PDZRN3: variants seen among roughly 807,000 people sequenced by gnomAD.
The protein encoded by PDZRN3 is PDZ domain containing ring finger 3.
Under a neutral mutation model 85.7 loss-of-function variants are expected in PDZRN3, and 38 were observed. The ratio of observed to expected loss-of-function variants is 0.44; its 90% CI spans 0.34 to 0.58. The LOEUF (loss-of-function observed/expected upper bound fraction) is 0.58. PDZRN3 is among the 20% of genes least tolerant of loss of function. PDZRN3 has a pLI of 0.01. For missense variants in PDZRN3, 1,629 were observed against 1,506.4 expected, an observed-to-expected ratio of 1.08 and a Z score of -1.35; for synonymous variants, 759 against 638.0, an observed-to-expected ratio of 1.19 and a Z score of -2.86.
At chr3:73,602,483 ATGCATG>A in intron 2 of PDZRN3, 22 bp from the exon 3 acceptor site, 2 of 1,105,678 alleles carry the variant, frequency 1.8e-6, no homozygotes, top group Non-Finnish European at 2.8e-6. Context: ...AAAAAAAAAC[ATGCATG>A]AATGCTAGGC....
intron 3 of PDZRN3, among the ~76,000 whole-genome samples, chr3:73,584,959 AC>A (rs1411266385): frequency 2.0e-5 from 3 of 152,174 alleles, no homozygotes; most frequent in Non-Finnish European, 4.4e-5. Context: ...CTTCTCCTTT[AC>A]TCCTTTAGAA....
At chr3:73,552,690 C>G (rs1701591397) in intron 3 of PDZRN3, among the ~76,000 whole-genome samples, 1 of 152,196 alleles carries the variant, frequency 6.6e-6, no homozygotes, top group South Asian at 2.1e-4. Context: ...TGGACCTATC[C>G]AGATGTATGT....
rs528559026 is a variant in PDZRN3 at position 73,497,478 on chromosome 3, C to T, written c.919-93083G>A. On this transcript the variant is annotated intron_variant, in intron 3 of 9. Coordinates refer to ENST00000263666, the MANE Select transcript of PDZRN3 (RefSeq NM_015009.3). ...AGCTACTATTATAAAGCAAATGATT[C>T]ATTATCACTGCTGATATTAGAGGTG... 1.7e-4 allele frequency among the ~76,000 whole-genome samples: 26 copies of T among 152,256 alleles called. No homozygotes were observed. In the East Asian group the frequency reaches 2.3e-3, roughly 14 times the overall value.
chr3:73,464,152 T>C (rs1314203659), intron 3 of PDZRN3, among the ~76,000 whole-genome samples: 6 of 151,888 alleles, frequency 4.0e-5, no homozygotes, highest in Non-Finnish European at 8.8e-5. Context: ...CACCCAGCTA[T>C]TTTTTTGTAT....
chr3:73,425,388 C>T (rs575678201), intron 3 of PDZRN3, among the ~76,000 whole-genome samples: 18 of 152,118 alleles, frequency 1.2e-4, no homozygotes, highest in African/African-American at 2.9e-4. Flanking sequence ...ATTCCCAGGC[C>T]GGAAGCATCC....
chr3:73,603,344 A>G lies in PDZRN3; in HGVS notation c.811-883T>C, dbSNP rs945335726. On this transcript the variant is annotated intron_variant, in intron 2 of 9. Coordinates refer to ENST00000263666, the MANE Select transcript of PDZRN3 (RefSeq NM_015009.3). ...TGGGAACGAAGACAGCTCACTGTTCAAACTCCTTCCTTTCCTTAAAATCAA... is the reference window on the plus strand; with the variant it reads ...TGGGAACGAAGACAGCTCACTGTTCGAACTCCTTCCTTTCCTTAAAATCAA... 4.6e-5 allele frequency among the ~76,000 whole-genome samples: 7 copies of G among 152,306 alleles called. No individual in the cohort carries two copies. In the South Asian group the frequency reaches 8.3e-4, roughly 18 times the overall value.
chr3:73,428,759 A>T (rs2106794417), intron 3 of PDZRN3, among the ~76,000 whole-genome samples: 1 of 152,224 alleles, frequency 6.6e-6, no homozygotes, highest in Middle Eastern at 3.4e-3. Flanking sequence ...TTTATAATCC[A>T]TTGTTAATTA....
intron 3 of PDZRN3, among the ~76,000 whole-genome samples, chr3:73,511,754 G>T (rs1281570108): frequency 6.6e-6 from 1 of 152,214 alleles, no homozygotes; most frequent in Non-Finnish European, 1.5e-5. Context: ...ACTGGCGGCC[G>T]CATCTAAAAC....
At chr3:73,460,844 A>G (rs1703089094) in intron 3 of PDZRN3, among the ~76,000 whole-genome samples, 1 of 151,998 alleles carries the variant, frequency 6.6e-6, no homozygotes, top group Non-Finnish European at 1.5e-5. Flanking sequence ...CCCAGGCTGT[A>G]GTGCAGTGGC....
intron 3 of PDZRN3, among the ~76,000 whole-genome samples, chr3:73,554,771 C>T (rs540615772): frequency 9.3e-4 from 142 of 152,252 alleles, no homozygotes; most frequent in African/African-American, 3.4e-3. Context: ...GTAATTTATC[C>T]GTAAAATGAG....
At chr3:73,506,930 C>A (rs1704079333) in intron 3 of PDZRN3, among the ~76,000 whole-genome samples, 1 of 151,434 alleles carries the variant, frequency 6.6e-6, no homozygotes, top group Non-Finnish European at 1.5e-5. Flanking sequence ...AAAAAAACTT[C>A]AACCCAGCAT....
chr3:73,616,950 C>T (rs1397686872), intron 1 of PDZRN3, among the ~76,000 whole-genome samples: 3 of 152,192 alleles, frequency 2.0e-5, no homozygotes, highest in Non-Finnish European at 4.4e-5. Context: ...ACTAACCACA[C>T]GCAATACACT....
Position 73,471,248 on chromosome 3 carries a change from C to T in PDZRN3, c.919-66853G>A, listed in dbSNP as rs77650050. On this transcript the variant is annotated intron_variant, in intron 3 of 9. Coordinates refer to ENST00000263666, the MANE Select transcript of PDZRN3 (RefSeq NM_015009.3). ...AGTGGTGCATCTTCCAGCCCAGGAA[C>T]GCCAAAGCTTGCCGGCAAACCATCC... Among the ~76,000 whole-genome samples the T allele has an allele frequency of 6.4e-4, 97 of 152,198 alleles. 1 individual carries two copies. In the East Asian group the frequency reaches 0.018, roughly 28 times the overall value.
chr3:73,573,800 TACAC>T (rs762072089), intron 3 of PDZRN3, among the ~76,000 whole-genome samples: 5,745 of 102,644 alleles, frequency 0.056, 128 homozygotes, highest in East Asian at 0.092. Context: ...TACATATACA[TACAC>T]ATACACCTAT....
At chr3:73,536,195 T>C (rs1366895679) in intron 3 of PDZRN3, among the ~76,000 whole-genome samples, 1 of 152,222 alleles carries the variant, frequency 6.6e-6, no homozygotes, top group Non-Finnish European at 1.5e-5. Flanking sequence ...CTTTAATGAC[T>C]CCAAGGAACC....
chr3:73,418,020 T>A (rs559628338), intron 3 of PDZRN3, among the ~76,000 whole-genome samples: 2 of 152,220 alleles, frequency 1.3e-5, no homozygotes. Flanking sequence ...TGTGTACTTC[T>A]TTCTCAAAGA....
chr3:73,480,675 CCACCA>C (rs1703545345), intron 3 of PDZRN3, among the ~76,000 whole-genome samples: 1 of 152,148 alleles, frequency 6.6e-6, no homozygotes, highest in African/African-American at 2.4e-5. Flanking sequence ...ACTTCTTTCC[CCACCA>C]TACTGTGTGT....
intron 1 of PDZRN3, among the ~76,000 whole-genome samples, chr3:73,614,919 A>G (rs1417715207): frequency 1.3e-5 from 2 of 152,214 alleles, no homozygotes; most frequent in African/African-American, 4.8e-5. Context: ...GCAGAAGAAC[A>G]TAAGAGGAAA....
At chr3:73,555,010 C>A (rs1251475873) in intron 3 of PDZRN3, among the ~76,000 whole-genome samples, 1 of 152,318 alleles carries the variant, frequency 6.6e-6, no homozygotes, top group African/African-American at 2.4e-5. Context: ...GACTGGCTGT[C>A]GCCTATTTTA....
Sources: gnomAD v4.1 joint callset for allele counts (sites outside exome capture counted in the v4.1 genomes callset) on GRCh38, gnomAD v4.1.1 for gene constraint, MANE v1.5 for transcripts, NCBI Gene and HGNC (gene_info 2026-07-23, HGNC 2026-07-21) for gene names.